RPS27: variants seen among roughly 807,000 people sequenced by gnomAD.
RPS27 encodes small ribosomal subunit protein eS27.
A neutral mutation model predicts 11.8 loss-of-function variants in RPS27; 1 was observed. The ratio of observed to expected loss-of-function variants is 0.08; its 90% CI spans 0.03 to 0.40. The LOEUF is 0.40. RPS27 is among the 10% of genes least tolerant of loss of function. RPS27 has a pLI of 0.98. For missense variants in RPS27, 44 were observed against 100.1 expected, an observed-to-expected ratio of 0.44 and a Z score of 2.39; for synonymous variants, 42 against 33.8, an observed-to-expected ratio of 1.24 and a Z score of -0.84.
Position 153,991,139 on chromosome 1 carries a change from T to C in RPS27, c.31T>C (p.Ser11Pro). The change falls in exon 2 of 4, where the codon TCT (serine) becomes CCT (proline). Residue 11 changes from serine to proline, a missense_variant. Physicochemically the swap from Ser to Pro is moderately conservative, Grantham distance 74. This residue lies in a region of RPS27 where 21 missense variants were observed against 16.2 expected (regional missense o/e 1.29). Coordinates refer to ENST00000651669, the MANE Select transcript of RPS27 (RefSeq NM_001030.6). ...GCTCGCAAAGGATCTCCTTCATCCC[T>C]CTCCAGAAGAGGAGAAGAGGAAACA... MPLAKDLLHP[S>P]PEEEKRKHKK... 6.3e-7 allele frequency: 1 copy of C among 1,593,748 alleles called. No individual in the cohort carries two copies. The highest frequency in any genetic ancestry group is 8.6e-7 in the Non-Finnish European group (1 of 1,168,564).
At position 153,991,747 on chromosome 1, in the gene RPS27, T is replaced by C. The variant is rs56042740; in HGVS notation, c.226+71T>C. On this transcript the variant is annotated intron_variant, in intron 3 of 3. Coordinates refer to ENST00000651669, the MANE Select transcript of RPS27 (RefSeq NM_001030.6). Reference sequence around the variant, plus strand: ...AGAAATGGAAACATTTCTTAGGATTTTTCGGTCTTAACAGTGACAGGGATC... The same window carrying C: ...AGAAATGGAAACATTTCTTAGGATTCTTCGGTCTTAACAGTGACAGGGATC... 4,143 of 1,062,988 alleles carry C rather than the reference T, an allele frequency of 3.9e-3. 30 individuals carry two copies. The highest frequency in any genetic ancestry group is 3.3e-3 in the Non-Finnish European group (2,331 of 697,962). The allele number at this position is 1,062,988 out of a possible 1,614,324, so 65.8% of individuals were successfully genotyped here.
intron 3 of RPS27, 56 bp from the exon 4 acceptor site, chr1:153,992,009 A>C (rs1649438860): frequency 3.3e-6 from 5 of 1,520,716 alleles, no homozygotes; most frequent in Non-Finnish European, 4.5e-6. Context: ...TTTTTGGGAG[A>C]GGTGGGCAGA....
chr1:153,991,465 T>A (rs948760331), intron 2 of RPS27, 101 bp from the exon 3 acceptor site: 1 of 1,366,728 alleles, frequency 7.3e-7, no homozygotes, highest in Admixed American at 2.0e-5. Flanking sequence ...ACCCCTACGT[T>A]TTTTTGTGTT....
chr1:153,991,457 C>T (rs866853252), intron 2 of RPS27, 109 bp from the exon 3 acceptor site: 31 of 1,358,896 alleles, frequency 2.3e-5, no homozygotes, highest in Middle Eastern at 2.5e-4. Flanking sequence ...CACATACAAC[C>T]CCTACGTTTT....
intron 2 of RPS27, 41 bp downstream of exon 2, chr1:153,991,264 T>G: frequency 6.4e-7 from 1 of 1,569,070 alleles, no homozygotes; most frequent in Non-Finnish European, 8.7e-7. Flanking sequence ...GCACTGGACC[T>G]CAACAGTTGG....
chr1:153,990,777 C>A lies in RPS27; in HGVS notation c.-20C>A, dbSNP rs1365270602. On this transcript the variant is annotated 5_prime_UTR_variant, in exon 1 of 4. Coordinates refer to ENST00000651669, the MANE Select transcript of RPS27 (RefSeq NM_001030.6). ...CGCTTTCGCTCCTTTCCGGCGGTGA[C>A]GACCTACGCACACGAGAACATGCCT... 6.8e-6 allele frequency: 11 copies of A among 1,614,176 alleles called. No homozygotes were observed. The highest frequency in any genetic ancestry group is 3.3e-5 in the South Asian group (3 of 91,086).
intron 2 of RPS27, 99 bp from the exon 3 acceptor site, chr1:153,991,463 GTTTT>G: frequency 1.5e-6 from 2 of 1,357,004 alleles, no homozygotes; most frequent in Non-Finnish European, 1.0e-6. Context: ...CAACCCCTAC[GTTTT>G]TTTGTGTTGG....
rs1228431503 is a variant in RPS27 at position 153,990,917 on chromosome 1, A to AT, written c.6+117dup. 2.7e-6 allele frequency: 4 copies of AT among 1,470,866 alleles called. No individual in the cohort carries two copies. In the African/African-American group the frequency reaches 5.6e-5, roughly 20 times the overall value. 91.1% of individuals were successfully genotyped at this position (1,470,866 alleles called of 1,614,324 possible). On this transcript the variant is annotated intron_variant, in intron 1 of 3. Coordinates refer to ENST00000651669, the MANE Select transcript of RPS27 (RefSeq NM_001030.6). ...ATTTACCCTCTGCACTTCTTAGGACATTAACTCCAGGGACCGCAGCGGCCC... is the reference window on the plus strand; with the variant it reads ...ATTTACCCTCTGCACTTCTTAGGACATTTAACTCCAGGGACCGCAGCGGCCC...
chr1:153,991,981 G>GGC (rs1649437363), intron 3 of RPS27, 84 bp from the exon 4 acceptor site: 1 of 1,211,344 alleles, frequency 8.3e-7, no homozygotes, highest in Admixed American at 1.8e-5. Flanking sequence ...TCTGTGGGTG[G>GGC]ATCATCATGC....
chr1:153,990,791 G>T lies in RPS27; in HGVS notation c.-6G>T. On this transcript the variant is annotated 5_prime_UTR_variant, in exon 1 of 4. Coordinates refer to ENST00000651669, the MANE Select transcript of RPS27 (RefSeq NM_001030.6). ...TCCGGCGGTGACGACCTACGCACAC[G>T]AGAACATGCCTGTGAGTGCTTTGGT... The T allele has an allele frequency of 6.2e-7, 1 of 1,614,220 alleles. No individual in the cohort carries two copies.
At chr1:153,991,430 G>C in intron 2 of RPS27, 136 bp from the exon 3 acceptor site, 2 of 1,385,908 alleles carry the variant, frequency 1.4e-6, no homozygotes, top group Non-Finnish European at 2.0e-6. Context: ...ATTTCACCGT[G>C]ATCTCTCATC....
intron 3 of RPS27, 98 bp downstream of exon 3, chr1:153,991,774 T>C (rs565645368): frequency 8.9e-6 from 7 of 782,310 alleles, no homozygotes; most frequent in East Asian, 2.6e-5. Flanking sequence ...ACAGGGATCA[T>C]CTATAATGTA....
In RPS27 at chr1:153,990,775, G is replaced by A; in HGVS notation, c.-22G>A. 6.2e-7 allele frequency: 1 copy of A among 1,614,190 alleles called. No homozygotes were observed. Among genetic ancestry groups the A allele is most frequent in the Non-Finnish European group, 8.5e-7 (1 of 1,180,038 alleles). The stretch of plus-strand genomic sequence containing the variant: ...TCCGCTTTCGCTCCTTTCCGGCGGT[G>A]ACGACCTACGCACACGAGAACATGC... On this transcript the variant is annotated 5_prime_UTR_variant, in exon 1 of 4. Coordinates refer to ENST00000651669, the MANE Select transcript of RPS27 (RefSeq NM_001030.6).
Position 153,992,141 on chromosome 1 carries a change from T to G in RPS27, c.*48T>G, listed in dbSNP as rs755003715. 1 of 1,517,820 alleles carries G rather than the reference T, an allele frequency of 6.6e-7. No homozygotes were observed. The highest frequency in any genetic ancestry group is 1.7e-5 in the Admixed American group (1 of 59,684). 94.0% of individuals were successfully genotyped at this position (1,517,820 alleles called of 1,614,324 possible). A position where few individuals can be genotyped will look rare whatever the true frequency, so the allele number is the denominator to read the frequency against. Reference sequence around the variant, plus strand: ...TGGGAAACCATCTCAATAAACACATTTTGGATAAATCCTGTTTATTGTCTT... The same window carrying G: ...TGGGAAACCATCTCAATAAACACATGTTGGATAAATCCTGTTTATTGTCTT... On this transcript the variant is annotated 3_prime_UTR_variant, in exon 4 of 4. Coordinates refer to ENST00000651669, the MANE Select transcript of RPS27 (RefSeq NM_001030.6).
chr1:153,991,227 A>G lies in RPS27; in HGVS notation c.115+4A>G, dbSNP rs1649377788. ...TTCATGGATGTGAAATGCCCAGGTG[A>G]GGAGACGGCTTGCTGTAGTGGGGAA... On this transcript the variant is annotated splice_donor_region_variant and intron_variant, in intron 2 of 3. Coordinates refer to ENST00000651669, the MANE Select transcript of RPS27 (RefSeq NM_001030.6). 4 of 1,592,670 alleles carry G rather than the reference A, an allele frequency of 2.5e-6. No homozygotes were observed. The Admixed American group carries it at 6.9e-5, about 27-fold the overall frequency.
At chr1:153,991,313 T>C (rs1286333580) in intron 2 of RPS27, 90 bp downstream of exon 2, 3 of 1,535,816 alleles carry the variant, frequency 2.0e-6, no homozygotes, top group South Asian at 2.4e-5. Context: ...TCCTTGAAGC[T>C]GTGCAGCAGC....
At chr1:153,991,484 A>C in intron 2 of RPS27, 82 bp from the exon 3 acceptor site, 1 of 1,352,894 alleles carries the variant, frequency 7.4e-7, no homozygotes, top group Non-Finnish European at 1.0e-6. Context: ...TTGGGAAACA[A>C]TGTAATGGAT....
rs1649402005 is a variant in RPS27 at position 153,991,488 on chromosome 1, A to G, written c.116-78A>G. The G allele has an allele frequency of 3.7e-6, 5 of 1,357,208 alleles. No individual in the cohort carries two copies. The East Asian group carries it at 1.1e-4, about 31-fold the overall frequency. The allele number at this position is 1,357,208 out of a possible 1,614,324, so 84.1% of individuals were successfully genotyped here. A position where few individuals can be genotyped will look rare whatever the true frequency, so the allele number is the denominator to read the frequency against. The stretch of plus-strand genomic sequence containing the variant: ...GTTTTTTTGTGTTGGGAAACAATGT[A>G]ATGGATGATGAGTTGGGCATAAGTG... On this transcript the variant is annotated intron_variant, in intron 2 of 3. Transcript: ENST00000651669.
In RPS27 at chr1:153,991,570, C is replaced by T. The variant is rs892368669; in HGVS notation, c.120C>T (p.Cys40=). ...SYFMDVKCPG[C]YKITTVFSHA... The stretch of plus-strand genomic sequence containing the variant: ...TGTTATCTGCTTTTCTTTCAGGATG[C>T]TATAAAATCACCACGGTCTTTAGCC... Residue 40 remains cysteine, a synonymous_variant, in exon 3 of 4, where the codon TGC becomes TGT. Coordinates refer to ENST00000651669, the MANE Select transcript of RPS27 (RefSeq NM_001030.6). The T allele has an allele frequency of 5.6e-6, 9 of 1,610,256 alleles. No individual in the cohort carries two copies. Among genetic ancestry groups the T allele is most frequent in the Non-Finnish European group, 7.6e-6 (9 of 1,176,940 alleles).
Sources: gnomAD v4.1 joint callset for allele counts on GRCh38, gnomAD v4.1.1 for gene constraint, gnomAD v4.1.1 regional missense constraint, MANE v1.5 for transcripts, NCBI Gene and HGNC (gene_info 2026-07-23, HGNC 2026-07-21) for gene names.